SLC1A3: variants seen among roughly 807,000 people sequenced by gnomAD.
SLC1A3 encodes solute carrier family 1 member 3, also known as excitatory amino acid transporter 1.
Under a neutral mutation model 48.1 loss-of-function variants are expected in SLC1A3, and 21 were observed. The observed-to-expected ratio is 0.44, with a 90% CI of 0.31 to 0.63. The LOEUF (loss-of-function observed/expected upper bound fraction) is 0.63. Among genes scored for constraint, SLC1A3 ranks in the 20% least tolerant of loss-of-function variants. The pLI is 0.08. For synonymous variants in SLC1A3, 239 were observed against 251.4 expected (o/e 0.95, Z 0.47); for missense variants, 546 against 689.0 (o/e 0.79, Z 2.32).
At chr5:36,609,998 T>C (rs1161963728) in intron 2 of SLC1A3, among the ~76,000 whole-genome samples, 1 of 152,230 alleles carries the variant, frequency 6.6e-6, no homozygotes, top group Non-Finnish European at 1.5e-5. Context: ...TTTGTTTATA[T>C]TAGCTCACTT....
chr5:36,608,473 G>A lies in SLC1A3; in HGVS notation c.50G>A (p.Arg17Lys). 1 of 1,614,072 alleles carries A rather than the reference G, an allele frequency of 6.2e-7. No homozygotes were observed. The highest frequency in any genetic ancestry group is 8.5e-7 in the Non-Finnish European group (1 of 1,179,930). Residue 17 changes from arginine (R) to lysine (K), a missense_variant, in exon 2 of 10, where the codon AGA becomes AAA. Transcript: ENST00000265113. The stretch of plus-strand genomic sequence containing the variant: ...CCCAAGATGGGGGGCAGGATGGAGA[G>A]ATTCCAGCAGGGAGTCCGTAAACGC... ...EEPKMGGRME[R>K]FQQGVRKRTL...
chr5:36,639,842 G>A (rs146984026), intron 3 of SLC1A3, among the ~76,000 whole-genome samples: 800 of 152,266 alleles, frequency 5.3e-3, no homozygotes, highest in Non-Finnish European at 8.5e-3. Flanking sequence ...ATGCACGCAC[G>A]CACACACACT....
chr5:36,674,595 T>C (rs1742132104), intron 5 of SLC1A3, among the ~76,000 whole-genome samples: 1 of 152,084 alleles, frequency 6.6e-6, no homozygotes, highest in African/African-American at 2.4e-5. Flanking sequence ...GAAATCCTGC[T>C]ATATGCCAAG....
intron 3 of SLC1A3, chr5:36,668,254 G>A (rs1217222579): frequency 6.6e-6 from 1 of 152,244 alleles, no homozygotes; most frequent in Non-Finnish European, 1.5e-5. Context: ...GTTGGGGAAA[G>A]GAAATGGTCA....
At chr5:36,640,325 G>A (rs539346199) in intron 3 of SLC1A3, among the ~76,000 whole-genome samples, 1 of 152,190 alleles carries the variant, frequency 6.6e-6, no homozygotes, top group South Asian at 2.1e-4. Context: ...TCATGGTGAA[G>A]ATCCTTGCAA....
intron 2 of SLC1A3, chr5:36,609,116 A>G: frequency 4.1e-6 from 4 of 985,820 alleles, no homozygotes; most frequent in Non-Finnish European, 4.8e-6. Flanking sequence ...CTCACCCAGC[A>G]ACTGGGAAAG....
At chr5:36,650,544 C>G (rs181148883) in intron 3 of SLC1A3, among the ~76,000 whole-genome samples, 52 of 152,224 alleles carry the variant, frequency 3.4e-4, no homozygotes, top group African/African-American at 1.2e-3. Context: ...CCTTTCCCAC[C>G]CTTCTTATTT....
intron 5 of SLC1A3, 87 bp downstream of exon 5, chr5:36,674,178 C>A (rs1742109334): frequency 3.8e-6 from 4 of 1,054,116 alleles, no homozygotes; most frequent in African/African-American, 1.6e-5. Flanking sequence ...CTGCTCATTT[C>A]TCTGCTATAA....
Position 36,679,609 on chromosome 5 carries a change from G to C in SLC1A3, c.861-18G>C. On this transcript the variant is annotated intron_variant, in intron 6 of 9. Transcript: ENST00000265113. ...GTGGAAACCAGACTCCAACCGTGCT[G>C]GTGTTGCTTCTCCCCAGGTATGCCC... 6.4e-7 allele frequency: 1 copy of C among 1,555,504 alleles called. No homozygotes were observed. The highest frequency in any genetic ancestry group is 8.9e-7 in the Non-Finnish European group (1 of 1,126,624).
At chr5:36,662,225 C>G (rs893256916) in intron 3 of SLC1A3, among the ~76,000 whole-genome samples, 1 of 152,192 alleles carries the variant, frequency 6.6e-6, no homozygotes, top group Non-Finnish European at 1.5e-5. Flanking sequence ...GAATGGGCAT[C>G]ATGGGGAGAC....
intron 3 of SLC1A3, among the ~76,000 whole-genome samples, chr5:36,638,140 G>C (rs891312054): frequency 4.6e-5 from 7 of 151,692 alleles, no homozygotes; most frequent in Non-Finnish European, 1.0e-4. Context: ...GTGTAGATAC[G>C]TTTCCACCTT....
chr5:36,677,517 G>T (rs1354368231), intron 6 of SLC1A3, among the ~76,000 whole-genome samples: 1 of 152,194 alleles, frequency 6.6e-6, no homozygotes, highest in Non-Finnish European at 1.5e-5. Context: ...AGCATATAGT[G>T]CCAGGCACTG....
At chr5:36,599,496 G>A (rs1395936224) in intron 1 of SLC1A3, among the ~76,000 whole-genome samples, 5 of 129,710 alleles carry the variant, frequency 3.9e-5, no homozygotes, top group Non-Finnish European at 4.8e-5. Flanking sequence ...ACACATCGTA[G>A]CTACGGTTGA....
At chr5:36,620,189 C>T (rs893143301) in intron 2 of SLC1A3, among the ~76,000 whole-genome samples, 1 of 152,118 alleles carries the variant, frequency 6.6e-6, no homozygotes, top group African/African-American at 2.4e-5. Flanking sequence ...TGATATTAAA[C>T]GCTACAGGTT....
intron 3 of SLC1A3, among the ~76,000 whole-genome samples, chr5:36,666,643 G>A (rs1741761006): frequency 6.6e-6 from 1 of 152,212 alleles, no homozygotes; most frequent in Non-Finnish European, 1.5e-5. Context: ...CAGCAGACAG[G>A]AGAATAAAAT....
At chr5:36,681,819 G>T (rs572970957) in intron 8 of SLC1A3, among the ~76,000 whole-genome samples, 105 of 152,032 alleles carry the variant, frequency 6.9e-4, no homozygotes, top group South Asian at 1.5e-3. Context: ...TTGTTGTGGG[G>T]TTTTTTTTAA....
intron 3 of SLC1A3, chr5:36,669,695 G>A (rs1377838518): frequency 6.6e-6 from 1 of 152,110 alleles, no homozygotes; most frequent in African/African-American, 2.4e-5. Context: ...TGAAGGTCAT[G>A]GCTTCAATTT....
intron 3 of SLC1A3, among the ~76,000 whole-genome samples, chr5:36,637,727 G>T (rs1740449555): frequency 6.6e-6 from 1 of 152,122 alleles, no homozygotes; most frequent in Admixed American, 6.6e-5. Context: ...ATTGGAGGTG[G>T]CAGGTTGGGG....
chr5:36,680,573 C>A lies in SLC1A3; in HGVS notation c.1273C>A (p.Gln425Lys). 6.2e-7 allele frequency: 1 copy of A among 1,613,634 alleles called. No individual in the cohort carries two copies. Among genetic ancestry groups the A allele is most frequent in the Non-Finnish European group, 8.5e-7 (1 of 1,179,548 alleles). Residue 425 changes from glutamine (Q) to lysine (K), a missense_variant, in exon 8 of 10, where the codon CAA (glutamine) becomes AAA (lysine). Physicochemically the swap from Gln to Lys is moderately conservative, Grantham distance 53 (BLOSUM62 1). Transcript: ENST00000265113. ...TAACAACTTTGAACTGAACTTCGGACAAATTATTACAATCAGGTACAAGGA... is the reference window on the plus strand; with the variant it reads ...TAACAACTTTGAACTGAACTTCGGAAAAATTATTACAATCAGGTACAAGGA... ...QVNNFELNFG[Q>K]IITISITATA...
Sources: allele counts gnomAD v4.1 joint callset (sites outside exome capture counted in the v4.1 genomes callset), GRCh38; gene constraint gnomAD v4.1.1; transcripts MANE v1.5; gene names NCBI Gene and HGNC (gene_info 2026-07-23, HGNC 2026-07-21).